Variants in MATN4 observed in about 807,000 individuals in gnomAD.
MATN4 encodes matrilin-4.
A neutral mutation model predicts 54.6 loss-of-function variants in MATN4; 40 were observed. The observed-to-expected ratio is 0.73, with a 90% CI of 0.57 to 0.95. The LOEUF is 0.95. MATN4 is among the 40% of genes least tolerant of loss of function. The probability of loss-of-function intolerance (pLI) is 0.00; values close to 1 mark genes in which losing one functional copy is unlikely to be tolerated. For missense variants in MATN4, 810 were observed against 819.1 expected, an observed-to-expected ratio of 0.99 and a Z score of 0.13; for synonymous variants, 351 against 345.3, an observed-to-expected ratio of 1.02 and a Z score of -0.18.
At chr20:45,306,554 C>A (rs892078860) in intron 1 of MATN4, among the ~76,000 whole-genome samples, 1 of 152,268 alleles carries the variant, frequency 6.6e-6, no homozygotes, top group African/African-American at 2.4e-5. Flanking sequence ...ACATGCACTG[C>A]CCAACCGCAG....
Position 45,298,422 on chromosome 20 carries a change from G to C in MATN4, c.1174C>G (p.Arg392Gly). Reference protein sequence around the residue: ...TRVGLVQFSSRVRTEFPLGRY... With the variant: ...TRVGLVQFSSGVRTEFPLGRY... ...CCCAGAGGGAACTCGGTGCGCACGC[G>C]GCTCGAGAACTGCACCAGCCCCACC... Residue 392 changes from arginine to glycine, a missense_variant, in exon 7 of 10, where the codon CGC becomes GGC. Transcript: ENST00000372756. The surrounding 1 kb of genome is among the most constrained non-coding windows in gnomAD (Gnocchi z 4.6). 6.2e-7 allele frequency: 1 copy of C among 1,613,228 alleles called. No homozygotes were observed. Among genetic ancestry groups the C allele is most frequent in the Non-Finnish European group, 8.5e-7 (1 of 1,179,808 alleles).
intron 3 of MATN4, among the ~76,000 whole-genome samples, chr20:45,302,253 T>A (rs78328272): frequency 6.6e-6 from 1 of 152,140 alleles, no homozygotes; most frequent in Admixed American, 6.5e-5. Flanking sequence ...GAGATTTGAA[T>A]GTTAAACAGT....
At chr20:45,294,704 A>G (rs544326313) in intron 8 of MATN4, among the ~76,000 whole-genome samples, 17 of 152,310 alleles carry the variant, frequency 1.1e-4, no homozygotes, top group African/African-American at 3.1e-4. Context: ...GGGGTCCCCA[A>G]TCCCCAGGCC....
At position 45,298,295 on chromosome 20, in the gene MATN4, T is replaced by G; in HGVS notation, c.1301A>C (p.His434Pro). ...TGLALRHMVE[H>P]SFSEAQGARP... ...TGCACCCTGCGCCTCGGAGAAGCTG[T>G]GCTCCACCATGTGCCGCAACGCCAG... Residue 434 changes from histidine (H) to proline (P), a missense_variant, in exon 7 of 10, where the codon CAC becomes CCC. Coordinates refer to ENST00000372756, the MANE Select transcript of MATN4 (RefSeq NM_001393530.1). The surrounding 1 kb of genome is among the most constrained non-coding windows in gnomAD (Gnocchi z 4.6). 6.2e-7 allele frequency: 1 copy of G among 1,613,518 alleles called. No homozygotes were observed. Among genetic ancestry groups the G allele is most frequent in the Middle Eastern group, 1.6e-4 (1 of 6,062 alleles).
intron 8 of MATN4, 63 bp from the exon 9 acceptor site, chr20:45,294,078 T>G (rs1464030347): frequency 1.6e-6 from 2 of 1,285,364 alleles, no homozygotes; most frequent in Non-Finnish European, 2.2e-6. Context: ...CCCTCTGATT[T>G]CCCTGCACTG....
Position 45,301,351 on chromosome 20 carries a change from C to A in MATN4, c.736G>T (p.Val246Leu). 1.1e-5 allele frequency: 18 copies of A among 1,614,190 alleles called. No homozygotes were observed. The highest frequency in any genetic ancestry group is 1.1e-5 in the Non-Finnish European group (13 of 1,180,046). ...CAGCTCCTCTGGTCCTGCTGGAGTA[C>A]AAAGCCAACTTGGCAGTGACAGAAA... is the stretch of plus-strand genomic sequence containing the variant. The part of the protein sequence containing the change: ...SYFCHCQVGF[V>L]LQQDQRSCRA... Residue 246 changes from valine to leucine, a missense_variant, in exon 4 of 10, where the codon GTA (valine) becomes TTA (leucine). Transcript: ENST00000372756.
At position 45,301,146 on chromosome 20, in the gene MATN4, C is replaced by A. The variant is rs780648070; in HGVS notation, c.845G>T (p.Cys282Phe). 6.4e-5 allele frequency: 104 copies of A among 1,614,098 alleles called. No individual in the cohort carries two copies. Among genetic ancestry groups the A allele is most frequent in the Non-Finnish European group, 8.4e-5 (99 of 1,180,042 alleles). ...AGGCTGCAAGTCATGGCCCTCTCTG[C>A]AGTGGCACCGTGGCCCACCAGGGGT... ...VSTPGGPRCH[C>F]REGHDLQPDG... The change falls in exon 5 of 10, where the codon TGC (cysteine) becomes TTC (phenylalanine). Residue 282 changes from cysteine to phenylalanine, a missense_variant. Physicochemically the swap from Cys to Phe is radical, Grantham distance 205. Coordinates refer to ENST00000372756, the MANE Select transcript of MATN4 (RefSeq NM_001393530.1).
chr20:45,293,869 A>G lies in MATN4; in HGVS notation c.1687+39T>C, dbSNP rs758204241. ...CGTTGGGGTTCGCCGAGGTCCCTTC[A>G]CTTTCCCTCCAGCCCGCGCCACCAG... On this transcript the variant is annotated intron_variant, in intron 9 of 9. Coordinates refer to ENST00000372756, the MANE Select transcript of MATN4 (RefSeq NM_001393530.1). The G allele has an allele frequency of 5.0e-6, 8 of 1,607,842 alleles. No homozygotes were observed. The Admixed American group carries it at 8.4e-5, about 17-fold the overall frequency.
At position 45,303,452 on chromosome 20, in the gene MATN4, C is replaced by T. The variant is rs758984123; in HGVS notation, c.643+776G>A. The T allele has an allele frequency of 2.6e-5, 19 of 717,072 alleles. No individual in the cohort carries two copies. In the Admixed American group the frequency reaches 2.8e-4, roughly 11 times the overall value. 44.4% of individuals were successfully genotyped at this position (717,072 alleles called of 1,614,324 possible). ...GGGTTGCAGGTGCAGTGGAACATGG[C>T]CCAGGCATTGACACATTGGTGCTGG... On this transcript the variant is annotated intron_variant, in intron 3 of 9. Coordinates refer to ENST00000372756, the MANE Select transcript of MATN4 (RefSeq NM_001393530.1).
chr20:45,301,474 A>G (rs1986230232), intron 3 of MATN4, 31 bp from the exon 4 acceptor site: 2 of 1,605,480 alleles, frequency 1.2e-6, no homozygotes, highest in African/African-American at 2.7e-5. Flanking sequence ...GTCTATGCCC[A>G]GGACTGCCCT....
At position 45,298,358 on chromosome 20, in the gene MATN4, A is replaced by G; in HGVS notation, c.1238T>C (p.Leu413Pro). Residue 413 changes from leucine to proline, a missense_variant, in exon 7 of 10, where the codon CTG (leucine) becomes CCG (proline). Leu to Pro is a moderately conservative substitution (Grantham distance 98). Coordinates refer to ENST00000372756, the MANE Select transcript of MATN4 (RefSeq NM_001393530.1). This position sits in a 1 kb window ranked among gnomAD's most constrained non-coding sequence, Gnocchi z 4.6. ...GTAAEVKQAV[L>P]AVEYMERGTM... ...GCCGCGTTCCATGTACTCCACGGCCAGGACCGCCTGCTTCACCTCGGCTGC... is the reference window on the plus strand; with the variant it reads ...GCCGCGTTCCATGTACTCCACGGCCGGGACCGCCTGCTTCACCTCGGCTGC... 1 of 1,612,770 alleles carries G rather than the reference A, an allele frequency of 6.2e-7. No homozygotes were observed. The highest frequency in any genetic ancestry group is 1.1e-5 in the South Asian group (1 of 91,018).
rs752583526 is a variant in MATN4 at position 45,308,186 on chromosome 20, G to A, written c.-46C>T. ...ATCCTTTGACTCACCTGAGCCTGCA[G>A]GACAGATCAGAGATGCAGCTGCAGA... is the stretch of plus-strand genomic sequence containing the variant. On this transcript the variant is annotated 5_prime_UTR_variant, in exon 1 of 10. Coordinates refer to ENST00000372756, the MANE Select transcript of MATN4 (RefSeq NM_001393530.1). 2 of 1,614,128 alleles carry A rather than the reference G, an allele frequency of 1.2e-6. No homozygotes were observed. Among genetic ancestry groups the A allele is most frequent in the South Asian group, 2.2e-5 (2 of 91,086 alleles).
In MATN4 at chr20:45,304,578, T is replaced by C; in HGVS notation, c.293A>G (p.Glu98Gly). ...LRAFSRREDM[E>G]RAIRDLVPLA... is the part of the protein sequence containing the mutation. ...AGGCACCAGGTCGCGGATGGCGCGC[T>C]CCATGTCCTCGCGGCGAGAGAACGC... The change falls in exon 3 of 10, where the codon GAG (glutamate) becomes GGG (glycine). Residue 98 changes from glutamate (E) to glycine (G), a missense_variant. Transcript: ENST00000372756. 1.9e-6 allele frequency: 3 copies of C among 1,599,030 alleles called. No homozygotes were observed. The highest frequency in any genetic ancestry group is 2.6e-6 in the Non-Finnish European group (3 of 1,168,206).
chr20:45,296,882 G>A (rs1985872672), intron 8 of MATN4, among the ~76,000 whole-genome samples: 1 of 151,090 alleles, frequency 6.6e-6, no homozygotes, highest in African/African-American at 2.4e-5. Context: ...TTTGAGACAG[G>A]GTCTCACTCT....
rs147806138 is a variant in MATN4, at chr20:45,304,336, C to T, written c.535G>A (p.Gly179Ser). Residue 179 changes from glycine (G) to serine (S), a missense_variant, in exon 3 of 10, where the codon GGC becomes AGC. By Grantham distance (56) the Gly-to-Ser change is moderately conservative (BLOSUM62 0). Transcript: ENST00000372756. ...GGCGATGCCATGGCGCGCAGGGAGCCCACGTCCGCGCGCTGCACCCCCACC... is the reference window on the plus strand; with the variant it reads ...GGCGATGCCATGGCGCGCAGGGAGCTCACGTCCGCGCGCTGCACCCCCACC... Reference protein sequence around the residue: ...YAVGVQRADVGSLRAMASPPL... With the variant: ...YAVGVQRADVSSLRAMASPPL... The T allele has an allele frequency of 3.1e-5, 47 of 1,512,492 alleles. No individual in the cohort carries two copies. Among genetic ancestry groups the T allele is most frequent in the Admixed American group, 6.8e-5 (3 of 44,250 alleles). 93.7% of individuals were successfully genotyped at this position (1,512,492 alleles called of 1,614,324 possible).
chr20:45,299,671 A>C (rs747733228), intron 6 of MATN4, among the ~76,000 whole-genome samples: 72 of 151,844 alleles, frequency 4.7e-4, no homozygotes, highest in Non-Finnish European at 8.5e-4. Flanking sequence ...TGAGGTTAGG[A>C]GTTCGAGACC....
At chr20:45,296,872 T>G (rs1985872223) in intron 8 of MATN4, among the ~76,000 whole-genome samples, 1 of 151,656 alleles carries the variant, frequency 6.6e-6, no homozygotes, top group Non-Finnish European at 1.5e-5. Flanking sequence ...ATATACTTTT[T>G]TTGAGACAGG....
chr20:45,293,904 A>G lies in MATN4; in HGVS notation c.1687+4T>C. On this transcript the variant is annotated splice_donor_region_variant and intron_variant, in intron 9 of 9. Transcript: ENST00000372756. ...CAGCCCGCGCCACCAGCCCCAAAGG[A>G]TATGGTTCAGCGTCAGGCTCTCGAG... 2 of 1,605,222 alleles carry G rather than the reference A, an allele frequency of 1.2e-6. No homozygotes were observed. The highest frequency in any genetic ancestry group is 1.7e-6 in the Non-Finnish European group (2 of 1,179,062).
At position 45,293,583 on chromosome 20, in the gene MATN4, G is replaced by C. The variant is rs1985606210; in HGVS notation, c.*184C>G. On this transcript the variant is annotated 3_prime_UTR_variant, in exon 10 of 10. Coordinates refer to ENST00000372756, the MANE Select transcript of MATN4 (RefSeq NM_001393530.1). Reference sequence around the variant, plus strand: ...CACCACCCGCTATCCCCCTGACGCCGCAGTCCGCCTAATGGTCCGGGCGAG... The same window carrying C: ...CACCACCCGCTATCCCCCTGACGCCCCAGTCCGCCTAATGGTCCGGGCGAG... 2 of 552,726 alleles carry C rather than the reference G, an allele frequency of 3.6e-6. No individual in the cohort carries two copies. Among genetic ancestry groups the C allele is most frequent in the African/African-American group, 4.0e-5 (2 of 49,480 alleles). The allele number at this position is 552,726 out of a possible 1,614,324, so 34.2% of individuals were successfully genotyped here.
Sources: allele counts gnomAD v4.1 joint callset (sites outside exome capture counted in the v4.1 genomes callset), GRCh38; gene constraint gnomAD v4.1.1; non-coding constraint Gnocchi (gnomAD v3.1); transcripts MANE v1.5; gene names NCBI Gene and HGNC (gene_info 2026-07-23, HGNC 2026-07-21).